The following THBS4 variants were observed in gnomAD, a reference collection of about 807,000 sequenced individuals.
THBS4 encodes the protein thrombospondin-4.
A neutral mutation model predicts 115.7 loss-of-function variants in THBS4; 90 were observed. The observed-to-expected ratio is 0.78, with a 90% confidence interval of 0.66 to 0.93. The LOEUF (loss-of-function observed/expected upper bound fraction) is 0.93, where lower values mean the gene tolerates loss of function less well. THBS4 is among the 40% of genes least tolerant of loss of function. THBS4 has a pLI of 0.00. For missense variants in THBS4, 1,087 were observed against 1,232.7 expected (o/e 0.88, Z 1.77); for synonymous variants, 460 against 479.3 (o/e 0.96, Z 0.53).
chr5:80,009,885 C>T (rs557995889), intron 2 of THBS4, among the ~76,000 whole-genome samples: 69 of 152,224 alleles, frequency 4.5e-4, no homozygotes, highest in Non-Finnish European at 8.4e-4. Flanking sequence ...GTAATCCCAG[C>T]ACTTTGGGAG....
At chr5:80,002,171 C>CTGGG (rs1285468974) in intron 2 of THBS4, among the ~76,000 whole-genome samples, 1 of 152,138 alleles carries the variant, frequency 6.6e-6, no homozygotes, top group Admixed American at 6.5e-5. Flanking sequence ...GCATCTAATA[C>CTGGG]TGGGGTTACA....
intron 7 of THBS4, 143 bp from the exon 8 acceptor site, chr5:80,061,552 G>A (rs1580964215): frequency 9.1e-7 from 1 of 1,096,986 alleles, no homozygotes; most frequent in East Asian, 2.5e-5. Context: ...TGGGTAACTG[G>A]AGTTGGAAGC....
intron 1 of THBS4, among the ~76,000 whole-genome samples, chr5:79,994,201 C>T (rs777169756): frequency 5.9e-5 from 9 of 152,168 alleles, no homozygotes; most frequent in Non-Finnish European, 8.8e-5. Flanking sequence ...GATTTCATGA[C>T]ACAGGTACCT....
At chr5:79,997,088 G>A (rs528702941) in intron 1 of THBS4, among the ~76,000 whole-genome samples, 1 of 151,748 alleles carries the variant, frequency 6.6e-6, no homozygotes, top group South Asian at 2.1e-4. Flanking sequence ...GCCAGCAGGG[G>A]AGTGATAGGT....
Position 79,997,408 on chromosome 5 carries a change from A to G in THBS4, n.82-924A>G, listed in dbSNP as rs77899698. On this transcript the variant is annotated intron_variant and non_coding_transcript_variant, in intron 1 of 3. Coordinates refer to the THBS4 transcript ENST00000510218. ...CGTGTATGTGTGTGTGTGTGTGTAT[A>G]TATGAAGGACATTACATAATGATAA... 3.1e-3 allele frequency among the ~76,000 whole-genome samples: 471 copies of G among 152,178 alleles called. 2 individuals carry two copies. Among genetic ancestry groups the G allele is most frequent in the Middle Eastern group, 0.01 (3 of 294 alleles).
chr5:80,060,556 T>A (rs977712192), intron 7 of THBS4, among the ~76,000 whole-genome samples: 9 of 152,122 alleles, frequency 5.9e-5, no homozygotes, highest in African/African-American at 2.2e-4. Flanking sequence ...GCCCAGGAGT[T>A]TGAGACCAGC....
chr5:80,064,069 C>G (rs1250025909), intron 8 of THBS4, among the ~76,000 whole-genome samples: 1 of 152,176 alleles, frequency 6.6e-6, no homozygotes, highest in African/African-American at 2.4e-5. Flanking sequence ...GTCCAGGACC[C>G]TCAGAGAACC....
chr5:80,079,520 G>A (rs1352006932), intron 19 of THBS4, among the ~76,000 whole-genome samples: 1 of 152,192 alleles, frequency 6.6e-6, no homozygotes, highest in Non-Finnish European at 1.5e-5. Context: ...GGCACACTGT[G>A]TTGGAAACTG....
intron 1 of THBS4, among the ~76,000 whole-genome samples, chr5:80,037,531 G>A (rs1304683453): frequency 6.6e-6 from 1 of 152,132 alleles, no homozygotes; most frequent in Non-Finnish European, 1.5e-5. Flanking sequence ...GAAAATGGTA[G>A]TGTCTCATTT....
chr5:80,021,148 G>C (rs1832364303), intron 2 of THBS4, among the ~76,000 whole-genome samples: 1 of 152,122 alleles, frequency 6.6e-6, no homozygotes, highest in Non-Finnish European at 1.5e-5. Flanking sequence ...TTGTTGCAGT[G>C]GTTCTCGAAA....
intron 2 of THBS4, among the ~76,000 whole-genome samples, chr5:80,005,924 G>C (rs1335270071): frequency 1.3e-5 from 2 of 151,782 alleles, no homozygotes; most frequent in African/African-American, 4.8e-5. Context: ...GCGCCATCAT[G>C]CCCAGCTAAT....
At chr5:80,082,663 A>AT in intron 21 of THBS4, 118 bp downstream of exon 21, 4 of 1,231,694 alleles carry the variant, frequency 3.2e-6, no homozygotes, top group Non-Finnish European at 4.6e-6. Context: ...CATAGTCATT[A>AT]AAACCTGATA....
At chr5:80,065,277 C>A in intron 8 of THBS4, 132 bp from the exon 9 acceptor site, 2 of 690,320 alleles carry the variant, frequency 2.9e-6, no homozygotes, top group Non-Finnish European at 5.0e-6. Flanking sequence ...CACAAATAAC[C>A]CTCAGATTAC....
At chr5:80,019,908 A>G (rs1832329511) in intron 2 of THBS4, 1 of 157,012 alleles carries the variant, frequency 6.4e-6, no homozygotes, top group Non-Finnish European at 1.4e-5. Flanking sequence ...AGGAATTCCC[A>G]AAGTATGGAC....
At chr5:80,009,244 C>A (rs564379396) in intron 2 of THBS4, among the ~76,000 whole-genome samples, 1 of 152,254 alleles carries the variant, frequency 6.6e-6, no homozygotes, top group South Asian at 2.1e-4. Flanking sequence ...GAAATTCCAA[C>A]CTAGACCACC....
At chr5:79,993,660 T>C (rs563950762) in intron 1 of THBS4, among the ~76,000 whole-genome samples, 1 of 152,230 alleles carries the variant, frequency 6.6e-6, no homozygotes, top group African/African-American at 2.4e-5. Flanking sequence ...CATCTGGTGA[T>C]AGTCATCTGA....
At chr5:80,009,809 T>C (rs572469371) in intron 2 of THBS4, among the ~76,000 whole-genome samples, 1 of 152,282 alleles carries the variant, frequency 6.6e-6, no homozygotes, top group South Asian at 2.1e-4. Flanking sequence ...AGGGGCCAAG[T>C]GTCCTAGCTA....
chr5:80,046,077 A>G (rs1833056815), intron 2 of THBS4, among the ~76,000 whole-genome samples: 1 of 152,218 alleles, frequency 6.6e-6, no homozygotes, highest in South Asian at 2.1e-4. Flanking sequence ...GTTTTTAGCC[A>G]TGTTCAGAAT....
chr5:80,057,805 A>G (rs693270), intron 3 of THBS4, among the ~76,000 whole-genome samples: 82,589 of 152,036 alleles, frequency 0.54, 22,777 homozygotes, highest in African/African-American at 0.63. Flanking sequence ...GCTTTGCTAG[A>G]CCCTTGAGCC....
Sources: gnomAD v4.1 joint callset for allele counts (sites outside exome capture counted in the v4.1 genomes callset) on GRCh38, gnomAD v4.1.1 for gene constraint, MANE v1.5 for transcripts, NCBI Gene and HGNC (gene_info 2026-07-23, HGNC 2026-07-21) for gene names.